Variants in CCDC150 observed in about 807,000 individuals in gnomAD.
CCDC150 encodes coiled-coil domain-containing protein 150.
In CCDC150, 151 loss-of-function variants were observed where a neutral mutation model predicts 156.5. That is an observed-to-expected ratio of 0.97 (90% CI 0.85 to 1.10). The LOEUF is 1.10. CCDC150 is among the 50% of genes least tolerant of loss of function. CCDC150 has a pLI of 0.00. For synonymous variants in CCDC150, 452 were observed against 429.4 expected, an observed-to-expected ratio of 1.05 and a Z score of -0.65; for missense variants, 1,312 against 1,268.1, an observed-to-expected ratio of 1.03 and a Z score of -0.53.
At chr2:196,712,843 C>G (rs1697228285) in intron 17 of CCDC150, 104 bp downstream of exon 17, 4 of 854,272 alleles carry the variant, frequency 4.7e-6, no homozygotes, top group Non-Finnish European at 7.3e-6. Flanking sequence ...AAAAGTTAAG[C>G]AAGATAACAA....
At chr2:196,652,813 C>G (rs760395224) in intron 2 of CCDC150, among the ~76,000 whole-genome samples, 1 of 152,248 alleles carries the variant, frequency 6.6e-6, no homozygotes, top group Non-Finnish European at 1.5e-5. Flanking sequence ...TCTCATGCAT[C>G]CTCTGAAATC....
chr2:196,640,113 T>G (rs775904833), intron 1 of CCDC150, among the ~76,000 whole-genome samples: 3 of 152,186 alleles, frequency 2.0e-5, no homozygotes, highest in Admixed American at 6.5e-5. Flanking sequence ...TGTTTGATTT[T>G]TGCCACCAGT....
chr2:196,702,343 CTGTGTGTGTGTG>C (rs3220631), intron 15 of CCDC150, among the ~76,000 whole-genome samples: 8 of 143,682 alleles, frequency 5.6e-5, no homozygotes, highest in African/African-American at 1.8e-4. Context: ...GACTGAAGTG[CTGTGTGTGTGTG>C]TGTGTGTGTG....
At chr2:196,683,540 T>G (rs1694962002) in intron 13 of CCDC150, among the ~76,000 whole-genome samples, 1 of 152,136 alleles carries the variant, frequency 6.6e-6, no homozygotes, top group South Asian at 2.1e-4. Context: ...TTGGTAAGTA[T>G]TCCCTCCATT....
rs778100888 is a variant in CCDC150, at chr2:196,725,954, C to A, written c.2430-19C>A. 5.7e-6 allele frequency: 9 copies of A among 1,577,224 alleles called. No homozygotes were observed. Among genetic ancestry groups the A allele is most frequent in the Admixed American group, 1.9e-5 (1 of 53,942 alleles). ...AATGATTTCTAAAGGTGACTTATCACCTCTCTTCTTCAAAACAGAGACCGG... is the reference window on the plus strand; with the variant it reads ...AATGATTTCTAAAGGTGACTTATCAACTCTCTTCTTCAAAACAGAGACCGG... On this transcript the variant is annotated intron_variant, in intron 21 of 27. Coordinates refer to ENST00000389175, the MANE Select transcript of CCDC150 (RefSeq NM_001080539.2).
intron 14 of CCDC150, among the ~76,000 whole-genome samples, chr2:196,699,730 G>C (rs1696077483): frequency 6.6e-6 from 1 of 152,112 alleles, no homozygotes; most frequent in Non-Finnish European, 1.5e-5. Context: ...ATGTTGACCA[G>C]ACTGGTCTTG....
chr2:196,726,092 T>C lies in CCDC150; in HGVS notation c.2549T>C (p.Val850Ala). 6.2e-7 allele frequency: 1 copy of C among 1,613,030 alleles called. No homozygotes were observed. Among genetic ancestry groups the C allele is most frequent in the Non-Finnish European group, 8.5e-7 (1 of 1,179,432 alleles). Reference protein sequence around the residue: ...ETTKKVAQREVAELKKALDEA... With the variant: ...ETTKKVAQREAAELKKALDEA... ...ACAAAGAAAGTGGCACAACGGGAAG[T>C]GGCTGAGGTATAGTCATGAGAAAAG... Residue 850 changes from valine to alanine, a missense_variant, in exon 22 of 28, where the codon GTG becomes GCG. Val to Ala is a moderately conservative substitution (Grantham distance 64, BLOSUM62 0). Coordinates refer to ENST00000389175, the MANE Select transcript of CCDC150 (RefSeq NM_001080539.2).
chr2:196,671,322 A>C (rs1396440121), intron 8 of CCDC150, among the ~76,000 whole-genome samples: 3 of 151,858 alleles, frequency 2.0e-5, no homozygotes, highest in Non-Finnish European at 4.4e-5. Flanking sequence ...GGAATCATAT[A>C]GTCTATAGCC....
intron 21 of CCDC150, among the ~76,000 whole-genome samples, chr2:196,723,273 TGG>T (rs916539089): frequency 1.3e-5 from 2 of 152,146 alleles, no homozygotes; most frequent in African/African-American, 4.8e-5. Flanking sequence ...GAGGCCAAGG[TGG>T]GCGGATCACG....
chr2:196,728,514 A>G (rs1053880760), intron 22 of CCDC150, among the ~76,000 whole-genome samples: 1 of 152,220 alleles, frequency 6.6e-6, no homozygotes, highest in African/African-American at 2.4e-5. Flanking sequence ...AGGGCATATT[A>G]GAAGGCGTGA....
intron 13 of CCDC150, among the ~76,000 whole-genome samples, chr2:196,693,483 C>T: frequency 6.6e-6 from 1 of 152,120 alleles, no homozygotes; most frequent in East Asian, 1.9e-4. Context: ...TATAGAAATA[C>T]AATAGATTTG....
Position 196,712,154 on chromosome 2 carries a change from A to T in CCDC150, c.1705A>T (p.Lys569Ter). 1 of 1,533,054 alleles carries T rather than the reference A, an allele frequency of 6.5e-7. No individual in the cohort carries two copies. The highest frequency in any genetic ancestry group is 8.8e-7 in the Non-Finnish European group (1 of 1,133,704). 95.0% of individuals were successfully genotyped at this position (1,533,054 alleles called of 1,614,324 possible). ...TTTGTTTTTCCTCTAGATAAAAGTT[A>T]AACAGCTAGAAGAACAAGTACAGTC... ...YENGKLQIKV[K>*]QLEEQVQSFT... Residue 569 changes from lysine (K) to a stop codon, truncating the protein, a stop_gained, in exon 16 of 28, where the codon AAA becomes TAA. Coordinates refer to ENST00000389175, the MANE Select transcript of CCDC150 (RefSeq NM_001080539.2). LOFTEE classifies it high-confidence loss of function.
intron 13 of CCDC150, among the ~76,000 whole-genome samples, chr2:196,677,940 A>C (rs1412835524): frequency 2.0e-5 from 3 of 152,098 alleles, no homozygotes; most frequent in Non-Finnish European, 4.4e-5. Flanking sequence ...CAGTGAGCAG[A>C]GATTGCACCA....
intron 20 of CCDC150, among the ~76,000 whole-genome samples, chr2:196,721,278 G>A (rs1213170346): frequency 7.5e-6 from 1 of 134,152 alleles, no homozygotes; most frequent in East Asian, 2.2e-4. Context: ...GACCAATGGA[G>A]CATGGCCTTC....
At chr2:196,675,641 T>G (rs1215207824) in intron 10 of CCDC150, among the ~76,000 whole-genome samples, 4 of 152,122 alleles carry the variant, frequency 2.6e-5, no homozygotes, top group Admixed American at 6.6e-5. Context: ...GCTGTAACAT[T>G]ATCTGAGTGC....
chr2:196,692,563 T>TAAA (rs1695556672), intron 13 of CCDC150, among the ~76,000 whole-genome samples: 1 of 152,250 alleles, frequency 6.6e-6, no homozygotes, highest in Non-Finnish European at 1.5e-5. Context: ...TATTGAATTT[T>TAAA]GCCTTAATTT....
At chr2:196,724,792 A>G (rs1338978567) in intron 21 of CCDC150, among the ~76,000 whole-genome samples, 1 of 152,174 alleles carries the variant, frequency 6.6e-6, no homozygotes, top group Non-Finnish European at 1.5e-5. Flanking sequence ...CTCTTTCTAT[A>G]TCTCCATGAA....
At position 196,665,676 on chromosome 2, in the gene CCDC150, G is replaced by A. The variant is rs548240746; in HGVS notation, c.755G>A (p.Arg252Gln). The change falls in exon 6 of 28, where the codon CGA (arginine) becomes CAA (glutamine). Residue 252 changes from arginine (R) to glutamine (Q), a missense_variant. Transcript: ENST00000389175. Reference protein sequence around the residue: ...QEMGSTVEVERKQVHILQQNC... With the variant: ...QEMGSTVEVEQKQVHILQQNC... ...ATGGGATCAACAGTGGAGGTAGAACGAAAACAGGTAGAAAGATTTCTTCTC... is the reference window on the plus strand; with the variant it reads ...ATGGGATCAACAGTGGAGGTAGAACAAAAACAGGTAGAAAGATTTCTTCTC... The A allele has an allele frequency of 8.9e-5, 140 of 1,571,592 alleles. 3 individuals carry two copies. In the South Asian group the frequency reaches 1.2e-3, roughly 13 times the overall value.
intron 14 of CCDC150, among the ~76,000 whole-genome samples, chr2:196,696,368 C>G (rs930853005): frequency 1.2e-4 from 19 of 152,054 alleles, no homozygotes; most frequent in African/African-American, 3.9e-4. Context: ...TTATTTCAGA[C>G]CAACCCTCTC....
Sources: gnomAD v4.1 joint callset for allele counts (sites outside exome capture counted in the v4.1 genomes callset) on GRCh38, gnomAD v4.1.1 for gene constraint, MANE v1.5 for transcripts, NCBI Gene and HGNC (gene_info 2026-07-23, HGNC 2026-07-21) for gene names.